The following CATSPERG variants were observed in gnomAD, a reference collection of about 807,000 sequenced individuals.
The protein encoded by CATSPERG is cation channel sperm-associated auxiliary subunit gamma.
Under a neutral mutation model 145.0 loss-of-function variants are expected in CATSPERG, and 115 were observed. The ratio of observed to expected loss-of-function variants is 0.79; its 90% CI spans 0.68 to 0.93. CATSPERG has a LOEUF of 0.93. CATSPERG is among the 40% of genes least tolerant of loss of function. The pLI, the probability that CATSPERG is intolerant of heterozygous loss-of-function variation, is 0.00. For missense variants in CATSPERG, 1,296 were observed against 1,490.1 expected (o/e 0.87, Z 2.14); for synonymous variants, 588 against 589.0 (o/e 1.00, Z 0.02).
At chr19:38,337,739 G>C in intron 3 of CATSPERG, 93 bp downstream of exon 3, 1 of 1,240,210 alleles carries the variant, frequency 8.1e-7, no homozygotes. Flanking sequence ...ATTTTTTTGA[G>C]ACGGAGTCTT....
At chr19:38,364,118 A>T (rs1600481536) in intron 20 of CATSPERG, among the ~76,000 whole-genome samples, 1 of 149,986 alleles carries the variant, frequency 6.7e-6, no homozygotes, top group Non-Finnish European at 1.5e-5. Flanking sequence ...TCCCTCCCGG[A>T]CGGGGCGGCT....
intron 20 of CATSPERG, among the ~76,000 whole-genome samples, chr19:38,363,994 G>A (rs1435570861): frequency 1.3e-5 from 2 of 152,220 alleles, no homozygotes; most frequent in African/African-American, 2.4e-5. Context: ...CCTCCCAGAC[G>A]GGGTGGTGGC....
intron 23 of CATSPERG, 33 bp from the exon 24 acceptor site, chr19:38,367,476 T>C (rs1299785360): frequency 6.2e-7 from 1 of 1,604,774 alleles, no homozygotes; most frequent in Non-Finnish European, 8.5e-7. Context: ...AGCTAATTTC[T>C]TCTTCTGGTC....
intron 7 of CATSPERG, among the ~76,000 whole-genome samples, chr19:38,348,461 T>C (rs976690749): frequency 2.0e-5 from 3 of 149,872 alleles, no homozygotes; most frequent in African/African-American, 7.4e-5. Flanking sequence ...TTCCACAAAC[T>C]TCGTTTTTTT....
At chr19:38,344,515 AC>A (rs1969993767) in intron 6 of CATSPERG, 147 bp downstream of exon 6, 1 of 719,100 alleles carries the variant, frequency 1.4e-6, no homozygotes, top group Non-Finnish European at 2.5e-6. Context: ...CTCCCCAGTG[AC>A]CTGTCGAGGG....
At position 38,364,899 on chromosome 19, in the gene CATSPERG, C is replaced by A; in HGVS notation, c.2484C>A (p.Leu828=). Residue 828 remains leucine, a synonymous_variant, in exon 21 of 29, where the codon CTC becomes CTA. Coordinates refer to ENST00000409235, the MANE Select transcript of CATSPERG (RefSeq NM_021185.5). ...NRNSVLFSIT[L]KDKKLCYDQG... ...CCCTCCTTCAACCCCAGATTACGCT[C>A]AAGGATAAAAAGCTTTGCTATGACC... 2 of 1,613,578 alleles carry A rather than the reference C, an allele frequency of 1.2e-6. No individual in the cohort carries two copies. Among genetic ancestry groups the A allele is most frequent in the Non-Finnish European group, 1.7e-6 (2 of 1,179,462 alleles).
intron 8 of CATSPERG, among the ~76,000 whole-genome samples, chr19:38,354,177 G>A (rs965640602): frequency 2.0e-5 from 3 of 152,084 alleles, no homozygotes; most frequent in Admixed American, 2.0e-4. Context: ...TGGGCATTTT[G>A]ACAGTGGGAG....
intron 13 of CATSPERG, among the ~76,000 whole-genome samples, chr19:38,359,039 G>A (rs1487368951): frequency 1.3e-5 from 2 of 151,888 alleles, no homozygotes; most frequent in Non-Finnish European, 1.5e-5. Context: ...TAGTAGAGAC[G>A]CGGTTTCACC....
intron 6 of CATSPERG, among the ~76,000 whole-genome samples, chr19:38,344,901 A>ATATATATATAT (rs1468159196): frequency 2.5e-5 from 2 of 80,018 alleles, no homozygotes; most frequent in African/African-American, 9.5e-5. Flanking sequence ...ATATATATAT[A>ATATATATATAT]TTTTTTTTTT....
At chr19:38,358,250 G>A in intron 11 of CATSPERG, 28 bp from the exon 12 acceptor site, 3 of 1,613,440 alleles carry the variant, frequency 1.9e-6, no homozygotes, top group Non-Finnish European at 2.5e-6. Context: ...GGCCTCAGGA[G>A]ATTTTGCTGT....
chr19:38,368,906 G>A (rs12463175), intron 26 of CATSPERG, among the ~76,000 whole-genome samples: 6,842 of 151,872 alleles, frequency 0.045, 268 homozygotes, highest in East Asian at 0.13. Context: ...CAGGTGATCC[G>A]CCTGCCTCAG....
At chr19:38,339,394 T>C (rs1194310489) in intron 3 of CATSPERG, among the ~76,000 whole-genome samples, 2 of 152,146 alleles carry the variant, frequency 1.3e-5, no homozygotes, top group East Asian at 3.9e-4. Context: ...GAGCTTGGTG[T>C]TCCAAAGGCC....
chr19:38,348,454 C>T (rs1335693297), intron 7 of CATSPERG, among the ~76,000 whole-genome samples: 1 of 150,530 alleles, frequency 6.6e-6, no homozygotes, highest in East Asian at 2.0e-4. Flanking sequence ...GGCCAATTTC[C>T]ACAAACTTCG....
At chr19:38,365,335 C>T (rs548887374) in intron 22 of CATSPERG, 146 of 540,202 alleles carry the variant, frequency 2.7e-4, no homozygotes, top group Admixed American at 2.4e-3. Context: ...TGGAGTGCGG[C>T]GGCGCGGTCT....
At position 38,362,267 on chromosome 19, in the gene CATSPERG, G is replaced by A; in HGVS notation, c.2152G>A (p.Asp718Asn). The change falls in exon 18 of 29, where the codon GAC (aspartate) becomes AAC (asparagine). Residue 718 changes from aspartate to asparagine, a missense_variant. By Grantham distance (23) the Asp-to-Asn change is conservative (BLOSUM62 1). Transcript: ENST00000409235. ...TWRWWANNKQ[D>N]QDYYFFLASN... ...GCGCTGGTGGGCGAACAACAAACAA[G>A]ACCAGGTAGGCGGAGCGGATTGGGA... 6.2e-7 allele frequency: 1 copy of A among 1,613,382 alleles called. No homozygotes were observed. Among genetic ancestry groups the A allele is most frequent in the South Asian group, 1.1e-5 (1 of 91,072 alleles).
chr19:38,360,376 G>A, intron 14 of CATSPERG, 113 bp from the exon 15 acceptor site: 1 of 1,513,226 alleles, frequency 6.6e-7, no homozygotes, highest in Non-Finnish European at 8.8e-7. Context: ...GTGGAGGTGA[G>A]TTTCCAAACT....
At position 38,360,530 on chromosome 19, in the gene CATSPERG, GTTCCC is replaced by G; in HGVS notation, c.1655_1659del (p.Pro552GlnfsTer22). ...AGGGCAGCTACCGGGTCTACCAGCTGTTCCCTTCCAAGGGCTGGCAGGTGCACATC... is the reference window on the plus strand; with the variant it reads ...AGGGCAGCTACCGGGTCTACCAGCTGTTCCAAGGGCTGGCAGGTGCACATC... On this transcript the variant is annotated frameshift_variant, in exon 15 of 29. Coordinates refer to ENST00000409235, the MANE Select transcript of CATSPERG (RefSeq NM_021185.5). LOFTEE classifies it high-confidence loss of function. The G allele has an allele frequency of 6.2e-7, 1 of 1,614,180 alleles. No homozygotes were observed. Among genetic ancestry groups the G allele is most frequent in the Admixed American group, 1.7e-5 (1 of 60,032 alleles).
At chr19:38,362,872 T>C (rs71354999) in intron 20 of CATSPERG, 40 bp downstream of exon 20, 1 of 232,890 alleles carries the variant, frequency 4.3e-6, no homozygotes, top group Admixed American at 8.1e-5. Flanking sequence ...GGAGGTTTTG[T>C]TTTTTTTTTT....
At chr19:38,353,734 G>A (rs568631443) in intron 8 of CATSPERG, among the ~76,000 whole-genome samples, 1 of 146,176 alleles carries the variant, frequency 6.8e-6, no homozygotes, top group South Asian at 2.2e-4. Context: ...CAGGCGCGGT[G>A]GCTCACGCCT....
Sources: gnomAD v4.1 joint callset for allele counts (sites outside exome capture counted in the v4.1 genomes callset) on GRCh38, gnomAD v4.1.1 for gene constraint, MANE v1.5 for transcripts, NCBI Gene and HGNC (gene_info 2026-07-23, HGNC 2026-07-21) for gene names.